The following CYP4Z1 variants were observed in gnomAD, a reference collection of about 807,000 sequenced individuals.
CYP4Z1 encodes the protein cytochrome P450 4Z1.
Under a neutral mutation model 54.2 loss-of-function variants are expected in CYP4Z1, and 41 were observed. The ratio of observed to expected loss-of-function variants is 0.76; its 90% confidence interval spans 0.59 to 0.98. CYP4Z1 has a LOEUF of 0.98. CYP4Z1 is among the 50% of genes least tolerant of loss of function. The pLI, the probability that CYP4Z1 is intolerant of heterozygous loss-of-function variation, is 0.00. For missense variants in CYP4Z1, 513 were observed against 599.0 expected, an observed-to-expected ratio of 0.86 and a Z score of 1.50; for synonymous variants, 163 against 206.2, an observed-to-expected ratio of 0.79 and a Z score of 1.79.
chr1:47,062,508 A>G (rs908114610), upstream of CYP4Z1, among the ~76,000 whole-genome samples: 1 of 152,104 alleles, frequency 6.6e-6, no homozygotes, highest in Non-Finnish European at 1.5e-5. Flanking sequence ...GCACAGTAGG[A>G]GTGAGACTGG....
upstream of CYP4Z1, among the ~76,000 whole-genome samples, chr1:47,062,355 A>C (rs11589221): frequency 0.073 from 11,128 of 152,228 alleles, 509 homozygotes; most frequent in East Asian, 0.22. Flanking sequence ...CCTTTGAAGT[A>C]ACTGGATTAC....
rs1482823358 is a variant in CYP4Z1, at chr1:47,068,717, C to T, written c.273C>T (p.Phe91=). 31 of 1,614,154 alleles carry T rather than the reference C, an allele frequency of 1.9e-5. 1 individual carries two copies. The East Asian group carries it at 6.9e-4, about 36-fold the overall frequency. Residue 91 remains phenylalanine, a synonymous_variant, in exon 2 of 12, where the codon TTC becomes TTT. Coordinates refer to ENST00000334194, the MANE Select transcript of CYP4Z1 (RefSeq NM_178134.3). ...PLWVGPFTMF[F]SVHDPDYAKI... is the part of the protein sequence containing the mutation. ...GGGTTGGACCCTTTACGATGTTCTTCAGTGTCCATGACCCAGACTATGCCA... is the reference window on the plus strand; with the variant it reads ...GGGTTGGACCCTTTACGATGTTCTTTAGTGTCCATGACCCAGACTATGCCA...
In CYP4Z1 at chr1:47,117,873, T is replaced by C; in HGVS notation, c.1457T>C (p.Val486Ala). The stretch of plus-strand genomic sequence containing the variant: ...GACCACTCAAGGCCTCCCCAGCCTG[T>C]TCGTCAAGTTGTCCTCAAGTCCAAG... ...APDHSRPPQP[V>A]RQVVLKSKNG... The change falls in exon 12 of 12, where the codon GTT becomes GCT. Residue 486 changes from valine (V) to alanine (A), a missense_variant. Physicochemically the swap from Val to Ala is moderately conservative, Grantham distance 64. Transcript: ENST00000334194. The C allele has an allele frequency of 6.2e-7, 1 of 1,613,672 alleles. No homozygotes were observed. The highest frequency in any genetic ancestry group is 8.5e-7 in the Non-Finnish European group (1 of 1,179,778).
intron 2 of CYP4Z1, among the ~76,000 whole-genome samples, chr1:47,069,869 T>C (rs1403646324): frequency 1.5e-5 from 2 of 129,600 alleles, no homozygotes; most frequent in African/African-American, 3.1e-5. Context: ...CTTGCTTTTT[T>C]TCTCTTACTG....
At chr1:47,107,981 C>T (rs1269765363) in intron 9 of CYP4Z1, among the ~76,000 whole-genome samples, 2 of 149,680 alleles carry the variant, frequency 1.3e-5, no homozygotes, top group African/African-American at 5.1e-5. Flanking sequence ...GCTACTTATA[C>T]GTCATCTCTG....
chr1:47,091,958 T>C (rs74702725), intron 6 of CYP4Z1, among the ~76,000 whole-genome samples: 9,158 of 151,586 alleles, frequency 0.06, 762 homozygotes, highest in African/African-American at 0.19. Flanking sequence ...GGAGGTCCGC[T>C]TTCCTTCCTT....
chr1:47,103,600 T>TC (rs1010357164), intron 8 of CYP4Z1, among the ~76,000 whole-genome samples: 1 of 148,112 alleles, frequency 6.8e-6, no homozygotes, highest in African/African-American at 2.5e-5. Context: ...TTTTTCTTTT[T>TC]TTTTTTTTTT....
chr1:47,058,358 C>G, the CYP4Z1 span, among the ~76,000 whole-genome samples: 1 of 152,042 alleles, frequency 6.6e-6, no homozygotes, highest in Non-Finnish European at 1.5e-5. Context: ...GGTATGATTC[C>G]AGGCTCAGAA....
intron 6 of CYP4Z1, among the ~76,000 whole-genome samples, chr1:47,088,760 G>A (rs1433550960): frequency 7.3e-6 from 1 of 136,476 alleles, no homozygotes; most frequent in African/African-American, 2.9e-5. Flanking sequence ...GGGACTACAG[G>A]TGTGTGCCAC....
chr1:47,088,391 C>T (rs1317311474), intron 6 of CYP4Z1, among the ~76,000 whole-genome samples: 36 of 152,220 alleles, frequency 2.4e-4, no homozygotes, highest in Non-Finnish European at 2.9e-5. Flanking sequence ...TTGGTCTATT[C>T]AGAGATTCAA....
chr1:47,082,339 G>T lies in CYP4Z1; in HGVS notation c.370G>T (p.Gly124Ter). Residue 124 changes from glycine to a stop codon, truncating the protein, a stop_gained, in exon 4 of 12, where the codon GGA becomes TGA. Coordinates refer to ENST00000334194, the MANE Select transcript of CYP4Z1 (RefSeq NM_178134.3). LOFTEE classifies it high-confidence loss of function. Reference sequence around the variant, plus strand: ...TGCCCCTCTCATTTCATAAGGTCGAGGACTTGTGACCCTGGATGGTTCTAA... The same window carrying T: ...TGCCCCTCTCATTTCATAAGGTCGATGACTTGTGACCCTGGATGGTTCTAA... ...HKILESWVGR[G>*]LVTLDGSKWK... 2.5e-6 allele frequency: 4 copies of T among 1,604,000 alleles called. No homozygotes were observed. Among genetic ancestry groups the T allele is most frequent in the Non-Finnish European group, 3.4e-6 (4 of 1,175,828 alleles).
intron 10 of CYP4Z1, among the ~76,000 whole-genome samples, chr1:47,116,056 A>G (rs1644827630): frequency 6.6e-6 from 1 of 152,096 alleles, no homozygotes; most frequent in Admixed American, 6.6e-5. Flanking sequence ...CTAACCTGAG[A>G]GTGAAAGGGA....
intron 4 of CYP4Z1, 113 bp from the exon 5 acceptor site, chr1:47,084,507 T>C: frequency 1.4e-6 from 2 of 1,472,706 alleles, no homozygotes; most frequent in East Asian, 2.3e-5. Context: ...GGCAAATTCA[T>C]TTTGTACGCT....
At chr1:47,101,503 A>G (rs1312382527) in intron 8 of CYP4Z1, among the ~76,000 whole-genome samples, 1 of 151,932 alleles carries the variant, frequency 6.6e-6, no homozygotes, top group Non-Finnish European at 1.5e-5. Context: ...TTCTTTCTTG[A>G]CCCAATTGTT....
chr1:47,076,836 C>T (rs1188061152), intron 2 of CYP4Z1, among the ~76,000 whole-genome samples: 71 of 54,690 alleles, frequency 1.3e-3, no homozygotes, highest in Non-Finnish European at 1.9e-3. Flanking sequence ...CAGAGCCAGA[C>T]GCTGTCTCAA....
intron 9 of CYP4Z1, among the ~76,000 whole-genome samples, chr1:47,109,404 A>T (rs1481765685): frequency 2.6e-5 from 4 of 152,202 alleles, no homozygotes; most frequent in Non-Finnish European, 4.4e-5. Flanking sequence ...TTGTGGTCTT[A>T]ATAAGCTTAG....
In CYP4Z1 at chr1:47,068,765, T is replaced by C; in HGVS notation, c.319+2T>C. 6.2e-7 allele frequency: 1 copy of C among 1,613,616 alleles called. No homozygotes were observed. The highest frequency in any genetic ancestry group is 8.5e-7 in the Non-Finnish European group (1 of 1,179,838). ...CCAAGATTCTCCTGAAAAGACAAGG[T>C]AAAAACCAAGAGGGGCTCACAGTAC... On this transcript the variant is annotated splice_donor_variant, in intron 2 of 11. Coordinates refer to ENST00000334194, the MANE Select transcript of CYP4Z1 (RefSeq NM_178134.3). LOFTEE classifies it high-confidence loss of function.
chr1:47,087,047 G>C (rs1457518869), intron 6 of CYP4Z1, among the ~76,000 whole-genome samples: 1 of 152,038 alleles, frequency 6.6e-6, no homozygotes, highest in African/African-American at 2.4e-5. Flanking sequence ...TGTTCCATTG[G>C]TCTATATCTC....
At position 47,087,010 on chromosome 1, in the gene CYP4Z1, G is replaced by A. The variant is rs535064579; in HGVS notation, c.772+2032G>A. Reference sequence around the variant, plus strand: ...TCAAATATCAGATGGGTGTACATGTGTGGTATTATTTCTGAGGGCTCTGTT... The same window carrying A: ...TCAAATATCAGATGGGTGTACATGTATGGTATTATTTCTGAGGGCTCTGTT... On this transcript the variant is annotated intron_variant, in intron 6 of 11. Coordinates refer to ENST00000334194, the MANE Select transcript of CYP4Z1 (RefSeq NM_178134.3). 2.6e-5 allele frequency among the ~76,000 whole-genome samples: 4 copies of A among 152,226 alleles called. No individual in the cohort carries two copies. The East Asian group carries it at 5.8e-4, about 22-fold the overall frequency.
Sources: gnomAD v4.1 joint callset for allele counts (sites outside exome capture counted in the v4.1 genomes callset) on GRCh38, gnomAD v4.1.1 for gene constraint, MANE v1.5 for transcripts, NCBI Gene and HGNC (gene_info 2026-07-23, HGNC 2026-07-21) for gene names.